SMURF2: variants seen among roughly 807,000 people sequenced by gnomAD.
SMURF2 encodes the protein E3 ubiquitin-protein ligase SMURF2.
Under a neutral mutation model 109.6 loss-of-function variants are expected in SMURF2, and 48 were observed. The ratio of observed to expected loss-of-function variants is 0.44; its 90% CI spans 0.35 to 0.56. The LOEUF (loss-of-function observed/expected upper bound fraction) is 0.56, where lower values mean the gene tolerates loss of function less well. Ranked by LOEUF, SMURF2 falls within the 20% of genes least tolerant of loss-of-function variation. The pLI is 0.01. For missense variants in SMURF2, 575 were observed against 909.0 expected (o/e 0.63, Z 4.72); for synonymous variants, 288 against 317.1 (o/e 0.91, Z 0.97).
intron 11 of SMURF2, among the ~76,000 whole-genome samples, chr17:64,562,285 CAAAAAAAAA>C (rs782461489): frequency 0.028 from 527 of 19,000 alleles, 3 homozygotes; most frequent in African/African-American, 0.071. Flanking sequence ...GACTCCGTCT[CAAAAAAAAA>C]AAAAAAAAAA....
At chr17:64,592,491 C>T (rs1244624446) in intron 4 of SMURF2, among the ~76,000 whole-genome samples, 2 of 152,072 alleles carry the variant, frequency 1.3e-5, no homozygotes, top group Non-Finnish European at 2.9e-5. Flanking sequence ...CAATATATAC[C>T]TATGCTGTGG....
At chr17:64,598,226 G>A (rs1969844875) in intron 3 of SMURF2, among the ~76,000 whole-genome samples, 156 bp downstream of exon 3, 1 of 152,124 alleles carries the variant, frequency 6.6e-6, no homozygotes, top group African/African-American at 2.4e-5. Context: ...CTGTCTATAA[G>A]CCAAAGCACA....
At chr17:64,659,949 T>A (rs1210659148) in intron 1 of SMURF2, among the ~76,000 whole-genome samples, 1 of 152,188 alleles carries the variant, frequency 6.6e-6, no homozygotes, top group Non-Finnish European at 1.5e-5. Flanking sequence ...TTTTTACTAT[T>A]AAGAGGACAC....
At chr17:64,604,119 A>G (rs1004413498) in intron 2 of SMURF2, among the ~76,000 whole-genome samples, 1 of 152,218 alleles carries the variant, frequency 6.6e-6, no homozygotes, top group Non-Finnish European at 1.5e-5. Context: ...AAAAATCTGT[A>G]TAAGTATACA....
At chr17:64,606,840 A>T (rs111470208) in intron 1 of SMURF2, among the ~76,000 whole-genome samples, 200 bp from the exon 2 acceptor site, 6 of 152,298 alleles carry the variant, frequency 3.9e-5, no homozygotes, top group African/African-American at 1.4e-4. Flanking sequence ...CACCAGTAAT[A>T]GCTGAGGGCA....
Position 64,580,937 on chromosome 17 carries a change from C to T in SMURF2, c.624G>A (p.Glu208=), listed in dbSNP as rs144568802. Residue 208 remains glutamate (E), a synonymous_variant, in exon 8 of 19, where the codon GAG becomes GAA. Coordinates refer to ENST00000262435, the MANE Select transcript of SMURF2 (RefSeq NM_022739.4). ...PGRPLSCFVD[E]NTPISGTNGA... ...CATTTGTTCCACTAATTGGAGTGTT[C>T]TCATCAACAAAGCAGCTAAGAGGTC... is the stretch of plus-strand genomic sequence containing the variant. 1,563 of 1,614,116 alleles carry T rather than the reference C, an allele frequency of 9.7e-4. 7 individuals are homozygous for T. The East Asian group carries it at 0.011, about 12-fold the overall frequency.
chr17:64,631,919 C>CCA (rs1364421050), intron 1 of SMURF2, among the ~76,000 whole-genome samples: 7 of 137,196 alleles, frequency 5.1e-5, no homozygotes, highest in Non-Finnish European at 1.1e-4. Flanking sequence ...CATCTATTAA[C>CCA]CACCCACCAC....
intron 1 of SMURF2, among the ~76,000 whole-genome samples, chr17:64,611,081 C>T (rs1970037165): frequency 6.6e-6 from 1 of 152,204 alleles, no homozygotes; most frequent in African/African-American, 2.4e-5. Flanking sequence ...TCTTGCTGTG[C>T]TATAAAACTT....
In SMURF2 at chr17:64,623,535, T is replaced by C. The variant is rs530545617; in HGVS notation, c.53-16895A>G. ...TACAGTAAACAAAAAGCTTCCTTTT[T>C]CCACTGCTCCTCCCTTTTATTCCAT... On this transcript the variant is annotated intron_variant, in intron 1 of 18. Transcript: ENST00000262435. 2.6e-5 allele frequency among the ~76,000 whole-genome samples: 4 copies of C among 152,350 alleles called. No homozygotes were observed. The East Asian group carries it at 7.7e-4, about 29-fold the overall frequency.
chr17:64,602,387 CTTAA>C (rs1371846994), intron 2 of SMURF2, among the ~76,000 whole-genome samples: 1 of 152,106 alleles, frequency 6.6e-6, no homozygotes, highest in Non-Finnish European at 1.5e-5. Flanking sequence ...CTTCCAGATC[CTTAA>C]TTAAGTAGGA....
chr17:64,650,926 T>A (rs1284632481), intron 1 of SMURF2, among the ~76,000 whole-genome samples: 6 of 147,382 alleles, frequency 4.1e-5, no homozygotes, highest in African/African-American at 1.5e-4. Flanking sequence ...AAAAAAAATC[T>A]GCTGGCTGGG....
intron 10 of SMURF2, among the ~76,000 whole-genome samples, chr17:64,564,920 G>T (rs1555684820): frequency 6.6e-6 from 1 of 152,176 alleles, no homozygotes; most frequent in Non-Finnish European, 1.5e-5. Flanking sequence ...CCACAGGGAG[G>T]GACAGAAGAA....
chr17:64,646,668 C>T (rs1319647242), intron 1 of SMURF2, among the ~76,000 whole-genome samples: 2 of 152,174 alleles, frequency 1.3e-5, no homozygotes, highest in East Asian at 3.8e-4. Flanking sequence ...AGGCATGAGC[C>T]ACCACTCCTG....
intron 1 of SMURF2, among the ~76,000 whole-genome samples, chr17:64,656,877 T>C (rs1042197575): frequency 2.0e-5 from 3 of 152,094 alleles, no homozygotes; most frequent in Non-Finnish European, 2.9e-5. Flanking sequence ...AGCAAATATA[T>C]TAAAGCTTAA....
At chr17:64,636,666 C>T (rs1970420976) in intron 1 of SMURF2, among the ~76,000 whole-genome samples, 1 of 148,834 alleles carries the variant, frequency 6.7e-6, no homozygotes, top group African/African-American at 2.5e-5. Flanking sequence ...GTAGTCCCAG[C>T]TACTCAGGAG....
chr17:64,559,422 C>T (rs1390859936), intron 12 of SMURF2, among the ~76,000 whole-genome samples: 3 of 151,670 alleles, frequency 2.0e-5, no homozygotes, highest in African/African-American at 7.3e-5. Context: ...GGTGAAACCC[C>T]GTCTCTATTA....
At chr17:64,647,782 A>G (rs1271366765) in intron 1 of SMURF2, among the ~76,000 whole-genome samples, 1 of 151,968 alleles carries the variant, frequency 6.6e-6, no homozygotes, top group Non-Finnish European at 1.5e-5. Context: ...CTTGGTAGAC[A>G]CAGTGGCTCA....
At chr17:64,621,354 T>A (rs1005499150) in intron 1 of SMURF2, among the ~76,000 whole-genome samples, 1 of 151,996 alleles carries the variant, frequency 6.6e-6, no homozygotes, top group South Asian at 2.1e-4. Flanking sequence ...CTGAGGTGGG[T>A]GGATCACCTG....
intron 1 of SMURF2, among the ~76,000 whole-genome samples, chr17:64,610,533 C>T (rs1032678704): frequency 6.6e-5 from 10 of 152,282 alleles, no homozygotes; most frequent in South Asian, 6.2e-4. Context: ...CACATGTTCT[C>T]ACTTATAAGT....
Sources: gnomAD v4.1 joint callset for allele counts (sites outside exome capture counted in the v4.1 genomes callset) on GRCh38, gnomAD v4.1.1 for gene constraint, MANE v1.5 for transcripts, NCBI Gene and HGNC (gene_info 2026-07-23, HGNC 2026-07-21) for gene names.